The following CFAP44 variants were observed in gnomAD, a reference collection of about 807,000 sequenced individuals.
The protein encoded by CFAP44 is cilia- and flagella-associated protein 44.
In CFAP44, 134 loss-of-function variants were observed where a neutral mutation model predicts 216.2. The ratio of observed to expected loss-of-function variants is 0.62; its 90% CI spans 0.54 to 0.72. The LOEUF is 0.72. CFAP44 is among the 30% of genes least tolerant of loss of function. CFAP44 has a pLI of 0.00. For missense variants in CFAP44, 2,035 were observed against 2,182.1 expected (o/e 0.93, Z 1.34); for synonymous variants, 700 against 727.6 (o/e 0.96, Z 0.61).
chr3:113,431,978 T>C (rs1254228752), intron 2 of CFAP44: 1 of 152,170 alleles, frequency 6.6e-6, no homozygotes, highest in African/African-American at 2.4e-5. Flanking sequence ...TCCTTCCACA[T>C]GTTATGCAAT....
chr3:113,369,836 A>C (rs146573028), intron 18 of CFAP44, among the ~76,000 whole-genome samples: 5 of 152,240 alleles, frequency 3.3e-5, no homozygotes, highest in African/African-American at 9.6e-5. Context: ...GAGCACTGGC[A>C]AGACTAATAA....
intron 15 of CFAP44, among the ~76,000 whole-genome samples, chr3:113,382,145 AG>A (rs1933531713): frequency 6.6e-6 from 1 of 152,178 alleles, no homozygotes; most frequent in Admixed American, 6.6e-5. Flanking sequence ...ACAGAATGAG[AG>A]GAGAGATTGG....
At chr3:113,426,648 T>G in intron 3 of CFAP44, 1 of 212,630 alleles carries the variant, frequency 4.7e-6, no homozygotes, top group Admixed American at 5.2e-5. Context: ...CTCAGGTATG[T>G]GTTTATTAGC....
At chr3:113,311,480 G>A (rs577352170) in intron 28 of CFAP44, among the ~76,000 whole-genome samples, 221 of 152,168 alleles carry the variant, frequency 1.5e-3, no homozygotes, top group African/African-American at 5.2e-3. Context: ...TTCTCTTGCT[G>A]CCACCATGTA....
rs778131554 is a variant in CFAP44, at chr3:113,433,677, T to C, written c.-5-8A>G. 6.3e-7 allele frequency: 1 copy of C among 1,597,998 alleles called. No homozygotes were observed. The highest frequency in any genetic ancestry group is 8.6e-7 in the Non-Finnish European group (1 of 1,166,910). ...CTGGTTCCTTCATTTCCTCTGTAAGTACAAAATGGGGATGAGATATGGATA... is the reference window on the plus strand; with the variant it reads ...CTGGTTCCTTCATTTCCTCTGTAAGCACAAAATGGGGATGAGATATGGATA... On this transcript the variant is annotated splice_region_variant and splice_polypyrimidine_tract_variant and intron_variant, in intron 1 of 34. Coordinates refer to ENST00000393845, the MANE Select transcript of CFAP44 (RefSeq NM_001164496.2).
intron 2 of CFAP44, among the ~76,000 whole-genome samples, chr3:113,431,565 T>C (rs1014688493): frequency 6.6e-6 from 1 of 152,058 alleles, no homozygotes; most frequent in Non-Finnish European, 1.5e-5. Flanking sequence ...AAGTAAGCGA[T>C]ATAATGATAC....
chr3:113,330,512 G>A lies in CFAP44; in HGVS notation c.3772C>T (p.Gln1258Ter). 6.5e-7 allele frequency: 1 copy of A among 1,537,206 alleles called. No homozygotes were observed. The highest frequency in any genetic ancestry group is 8.7e-7 in the Non-Finnish European group (1 of 1,146,896). ...TCTGGAACTTCTTCTGGGTGTATCT[G>A]AGGAATTTTGGGAATGGGTATGTGC... The part of the protein sequence containing the change: ...SKHIPIPKIP[Q>*]IHPEEVPEKR... The change falls in exon 26 of 35, where the codon CAG (glutamine) becomes TAG (stop). Residue 1258 changes from glutamine to a stop codon, truncating the protein, a stop_gained. Coordinates refer to ENST00000393845, the MANE Select transcript of CFAP44 (RefSeq NM_001164496.2). LOFTEE classifies it high-confidence loss of function.
chr3:113,325,465 G>A (rs1950181605), intron 28 of CFAP44, among the ~76,000 whole-genome samples: 1 of 151,116 alleles, frequency 6.6e-6, no homozygotes, highest in African/African-American at 2.4e-5. Flanking sequence ...TTTTTTTGGA[G>A]ACAGGGTCTT....
chr3:113,362,706 G>A (rs748857913), intron 21 of CFAP44: 30 of 324,168 alleles, frequency 9.3e-5, no homozygotes, highest in African/African-American at 1.8e-4. Context: ...ACAGTCTTCC[G>A]ATAGCAATAC....
chr3:113,330,451 T>C lies in CFAP44; in HGVS notation c.3833A>G (p.Asn1278Ser), dbSNP rs933228384. Residue 1278 changes from asparagine to serine, a missense_variant, in exon 26 of 35, where the codon AAT (asparagine) becomes AGT (serine). This residue lies in a region of CFAP44 where 1,883 missense variants were observed against 2,023.7 expected (regional missense o/e 0.93). Transcript: ENST00000393845. Reference protein sequence around the residue: ...RFQYDEETLLNFKQQQMKSKD... With the variant: ...RFQYDEETLLSFKQQQMKSKD... ...ACTTTTCATTTGCTGTTGCTTAAAA[T>C]TTAGGAGAGTTTCTTCATCATACTG... 11 of 1,537,148 alleles carry C rather than the reference T, an allele frequency of 7.2e-6. No individual in the cohort carries two copies. Among genetic ancestry groups the C allele is most frequent in the South Asian group, 1.2e-5 (1 of 84,056 alleles).
chr3:113,303,939 C>A lies in CFAP44; in HGVS notation c.5054G>T (p.Arg1685Ile). 1 of 1,537,668 alleles carries A rather than the reference C, an allele frequency of 6.5e-7. No homozygotes were observed. Among genetic ancestry groups the A allele is most frequent in the Non-Finnish European group, 8.7e-7 (1 of 1,146,992 alleles). Residue 1685 changes from arginine to isoleucine, a missense_variant, in exon 32 of 35, where the codon AGA (arginine) becomes ATA (isoleucine). Arg to Ile is a moderately conservative substitution (Grantham distance 97). This residue lies in a region of CFAP44 where 1,883 missense variants were observed against 2,023.7 expected (regional missense o/e 0.93). Coordinates refer to ENST00000393845, the MANE Select transcript of CFAP44 (RefSeq NM_001164496.2). Reference sequence around the variant, plus strand: ...ACTGTGTATGGTTTTTGTCATTTCTCTCTTTTCTCGGATGAGCTGTTTACG... The same window carrying A: ...ACTGTGTATGGTTTTTGTCATTTCTATCTTTTCTCGGATGAGCTGTTTACG... Reference protein sequence around the residue: ...ERRKQLIREKREMTKTIHKME... With the variant: ...ERRKQLIREKIEMTKTIHKME...
Position 113,441,470 on chromosome 3 carries a change from G to T in CFAP44, c.-23C>A. The T allele has an allele frequency of 1.0e-6, 1 of 984,396 alleles. No homozygotes were observed. Among genetic ancestry groups the T allele is most frequent in the Non-Finnish European group, 1.2e-6 (1 of 829,988 alleles). 61.0% of individuals were successfully genotyped at this position (984,396 alleles called of 1,614,324 possible). ...AAACTCACCGAAGGTACTGACCGCC[G>T]CGGCTCCTCTCTTCACAGCGTCTGC... On this transcript the variant is annotated 5_prime_UTR_variant, in exon 1 of 35. Transcript: ENST00000393845.
At position 113,327,770 on chromosome 3, in the gene CFAP44, T is replaced by C. The variant is rs772379684; in HGVS notation, c.4166A>G (p.His1389Arg). 3.9e-6 allele frequency: 6 copies of C among 1,536,916 alleles called. No individual in the cohort carries two copies. The South Asian group carries it at 7.1e-5, about 18-fold the overall frequency. The stretch of plus-strand genomic sequence containing the variant: ...CTGAGTATCTAGTTTTAGTTTCTGA[T>C]GTCTAAGGAGACGGAGTTCTGCATC... ...TFDAELRLLR[H>R]QKLKLDTQMK... The change falls in exon 27 of 35, where the codon CAT (histidine) becomes CGT (arginine). Residue 1389 changes from histidine to arginine, a missense_variant. Coordinates refer to ENST00000393845, the MANE Select transcript of CFAP44 (RefSeq NM_001164496.2).
At chr3:113,349,199 C>G (rs1479294329) in intron 22 of CFAP44, among the ~76,000 whole-genome samples, 2 of 152,160 alleles carry the variant, frequency 1.3e-5, no homozygotes, top group Non-Finnish European at 2.9e-5. Context: ...TTCTGCCTTC[C>G]TCAAGCTGCT....
chr3:113,423,842 C>A (rs1209463987), intron 4 of CFAP44, among the ~76,000 whole-genome samples: 5 of 152,162 alleles, frequency 3.3e-5, no homozygotes, highest in African/African-American at 4.8e-5. Flanking sequence ...AGCACAGCCA[C>A]GTGCAGGAAG....
At chr3:113,347,367 C>T (rs997648035) in intron 22 of CFAP44, among the ~76,000 whole-genome samples, 4 of 152,092 alleles carry the variant, frequency 2.6e-5, no homozygotes, top group South Asian at 2.1e-4. Flanking sequence ...AAAGTCACGT[C>T]GCCCAAGCAA....
At chr3:113,298,712 T>A (rs1281305985) in intron 32 of CFAP44, among the ~76,000 whole-genome samples, 8 of 152,216 alleles carry the variant, frequency 5.3e-5, no homozygotes, top group Non-Finnish European at 1.0e-4. Context: ...AAAGACATTA[T>A]CCTAAATAGA....
At chr3:113,333,721 C>T (rs1026512272) in intron 24 of CFAP44, 138 bp from the exon 25 acceptor site, 3 of 1,020,742 alleles carry the variant, frequency 2.9e-6, no homozygotes, top group Admixed American at 3.3e-5. Flanking sequence ...ACTTTTGTCA[C>T]AGAGCCCAAG....
intron 15 of CFAP44, among the ~76,000 whole-genome samples, chr3:113,386,317 T>C (rs1399067010): frequency 6.6e-6 from 1 of 152,246 alleles, no homozygotes; most frequent in African/African-American, 2.4e-5. Flanking sequence ...TCAGCTTCTC[T>C]ATGTCTTTAG....
Sources: allele counts gnomAD v4.1 joint callset (sites outside exome capture counted in the v4.1 genomes callset), GRCh38; gene constraint gnomAD v4.1.1; regional missense constraint gnomAD v4.1.1; transcripts MANE v1.5; gene names NCBI Gene and HGNC (gene_info 2026-07-23, HGNC 2026-07-21).